Variants in TLE4 observed in about 807,000 individuals in gnomAD.
TLE4 encodes the protein transducin-like enhancer protein 4.
TLE4 carries 8 observed loss-of-function variants against 92.8 expected under a neutral mutation model. That is an observed-to-expected ratio of 0.09 (90% CI 0.05 to 0.16). The LOEUF (loss-of-function observed/expected upper bound fraction) is 0.16. Among genes scored for constraint, TLE4 ranks in the 10% least tolerant of loss-of-function variants. The pLI, the probability that TLE4 is intolerant of heterozygous loss-of-function variation, is 1.00. For missense variants in TLE4, 675 were observed against 997.6 expected (o/e 0.68, Z 4.36); for synonymous variants, 371 against 374.1 (o/e 0.99, Z 0.10).
intron 8 of TLE4, among the ~76,000 whole-genome samples, chr9:79,688,105 A>C (rs988263602): frequency 6.6e-6 from 1 of 152,104 alleles, no homozygotes; most frequent in African/African-American, 2.4e-5. Context: ...TTCACATTTT[A>C]ATAGTCTCAC....
intron 14 of TLE4, among the ~76,000 whole-genome samples, chr9:79,714,785 T>C (rs1035883551): frequency 3.3e-5 from 5 of 152,232 alleles, no homozygotes; most frequent in South Asian, 4.1e-4. Flanking sequence ...TCAGAGTATA[T>C]GGATGGGAGG....
chr9:79,643,012 C>T (rs944938452), intron 6 of TLE4, among the ~76,000 whole-genome samples: 1 of 152,182 alleles, frequency 6.6e-6, no homozygotes, highest in African/African-American at 2.4e-5. Context: ...TGAAAAGTTT[C>T]TTCCTTTGTT....
At chr9:79,668,798 T>C in intron 8 of TLE4, 1 of 985,244 alleles carries the variant, frequency 1.0e-6, no homozygotes, top group Non-Finnish European at 1.2e-6. Context: ...AACAAAATAC[T>C]CTTTTGTATA....
chr9:79,633,702 G>T (rs1287594172), intron 6 of TLE4, among the ~76,000 whole-genome samples: 1 of 152,134 alleles, frequency 6.6e-6, no homozygotes, highest in Non-Finnish European at 1.5e-5. Flanking sequence ...TTTTGTTTTG[G>T]TTTTGTGTCA....
chr9:79,659,275 G>A (rs1410825585), intron 8 of TLE4, among the ~76,000 whole-genome samples: 7 of 152,152 alleles, frequency 4.6e-5, no homozygotes, highest in Non-Finnish European at 1.5e-5. Context: ...CCAGCAACTA[G>A]GTACAAGAGC....
At chr9:79,625,014 CTTTTT>C (rs34968887) in intron 5 of TLE4, among the ~76,000 whole-genome samples, 2 of 79,946 alleles carry the variant, frequency 2.5e-5, no homozygotes, top group African/African-American at 1.1e-4. Context: ...TATTTCTTTT[CTTTTT>C]TTTTTTTTTT....
chr9:79,572,863 C>T, intron 1 of TLE4, 28 bp downstream of exon 1: 2 of 1,591,328 alleles, frequency 1.3e-6, no homozygotes, highest in African/African-American at 2.8e-5. Flanking sequence ...GGCGCGGGCT[C>T]GCCGGGTGCT....
chr9:79,656,765 CAG>C (rs1480281648), intron 8 of TLE4, among the ~76,000 whole-genome samples: 3 of 152,180 alleles, frequency 2.0e-5, no homozygotes, highest in African/African-American at 7.2e-5. Flanking sequence ...GATTGTTAAA[CAG>C]GGCAGATTTC....
At chr9:79,685,941 C>T (rs899670168) in intron 8 of TLE4, among the ~76,000 whole-genome samples, 1 of 152,048 alleles carries the variant, frequency 6.6e-6, no homozygotes. Context: ...TCCACATCCT[C>T]AGCTTCAACT....
At chr9:79,658,648 G>A (rs1426756679) in intron 8 of TLE4, among the ~76,000 whole-genome samples, 1 of 152,208 alleles carries the variant, frequency 6.6e-6, no homozygotes, top group East Asian at 1.9e-4. Flanking sequence ...GTGTTAACCG[G>A]TGAATGTGGG....
chr9:79,608,852 A>G (rs1227634103), intron 4 of TLE4, among the ~76,000 whole-genome samples: 1 of 152,062 alleles, frequency 6.6e-6, no homozygotes, highest in East Asian at 1.9e-4. Context: ...ACCCAAGTTT[A>G]TTATGTTTTT....
chr9:79,624,403 CAG>C (rs939600218), intron 5 of TLE4, among the ~76,000 whole-genome samples: 2 of 152,064 alleles, frequency 1.3e-5, no homozygotes, highest in Non-Finnish European at 2.9e-5. Context: ...TCAGAGCACA[CAG>C]GGGAGGAGGC....
At chr9:79,592,327 G>C (rs1410703526) in intron 4 of TLE4, among the ~76,000 whole-genome samples, 1 of 144,494 alleles carries the variant, frequency 6.9e-6, no homozygotes, top group Non-Finnish European at 1.5e-5. Context: ...CCAGGCTGGA[G>C]TGCAGTGGCG....
chr9:79,617,718 A>G (rs2049977401), intron 5 of TLE4, among the ~76,000 whole-genome samples: 1 of 152,114 alleles, frequency 6.6e-6, no homozygotes, highest in South Asian at 2.1e-4. Flanking sequence ...GCTTATCGGT[A>G]TAATGGGATA....
intron 4 of TLE4, among the ~76,000 whole-genome samples, chr9:79,601,174 A>G (rs1216169185): frequency 6.6e-6 from 1 of 152,204 alleles, no homozygotes; most frequent in Non-Finnish European, 1.5e-5. Flanking sequence ...TTATTCACCC[A>G]TCAGGAATTG....
intron 4 of TLE4, among the ~76,000 whole-genome samples, chr9:79,594,348 C>A (rs1223271335): frequency 6.6e-6 from 1 of 152,198 alleles, no homozygotes; most frequent in East Asian, 1.9e-4. Context: ...TACATTGTAT[C>A]TCCATGGTAT....
At chr9:79,723,235 G>A (rs1264803197) in intron 19 of TLE4, among the ~76,000 whole-genome samples, 200 bp downstream of exon 19, 3 of 152,216 alleles carry the variant, frequency 2.0e-5, no homozygotes, top group African/African-American at 7.2e-5. Flanking sequence ...CCAGTGTTCT[G>A]AGCTCAGAGC....
chr9:79,607,410 C>A (rs556317995), intron 4 of TLE4, among the ~76,000 whole-genome samples: 106 of 152,228 alleles, frequency 7.0e-4, no homozygotes, highest in Middle Eastern at 6.8e-3. Context: ...GCTTCTGTTG[C>A]CATTGCTTTT....
chr9:79,644,861 G>A (rs111963664), intron 6 of TLE4, among the ~76,000 whole-genome samples: 1,734 of 152,258 alleles, frequency 0.011, 20 homozygotes, highest in African/African-American at 0.038. Context: ...TGCTCAGAGC[G>A]AGCAGCTCAC....
Sources: gnomAD v4.1 joint callset for allele counts (sites outside exome capture counted in the v4.1 genomes callset) on GRCh38, gnomAD v4.1.1 for gene constraint, MANE v1.5 for transcripts, NCBI Gene and HGNC (gene_info 2026-07-23, HGNC 2026-07-21) for gene names.